FBXO40: variants seen among roughly 807,000 people sequenced by gnomAD.
FBXO40 encodes the protein F-box protein 40, also known as F-box only protein 40.
A neutral mutation model predicts 49.9 loss-of-function variants in FBXO40; 50 were observed. That is an observed-to-expected ratio of 1.00 (90% CI 0.80 to 1.27). The LOEUF (loss-of-function observed/expected upper bound fraction) is 1.27, where lower values mean the gene tolerates loss of function less well. Ranked by LOEUF, FBXO40 falls within the 50% of genes most tolerant of loss-of-function variation. The probability of loss-of-function intolerance (pLI) is 0.00; values close to 1 mark genes in which losing one functional copy is unlikely to be tolerated. For missense variants in FBXO40, 895 were observed against 870.1 expected, an observed-to-expected ratio of 1.03 and a Z score of -0.36; for synonymous variants, 340 against 320.2, an observed-to-expected ratio of 1.06 and a Z score of -0.66.
At chr3:121,615,049 C>A (rs1311443677) in intron 1 of FBXO40, among the ~76,000 whole-genome samples, 1 of 151,994 alleles carries the variant, frequency 6.6e-6, no homozygotes, top group Admixed American at 6.6e-5. Flanking sequence ...GAAACCCCCA[C>A]AAAAAGTTTG....
chr3:121,623,430 C>A, intron 3 of FBXO40, 87 bp downstream of exon 3: 1 of 1,161,002 alleles, frequency 8.6e-7, no homozygotes, highest in Non-Finnish European at 1.2e-6. Context: ...GTTGCCCAGG[C>A]AAAAGTGCAG....
At chr3:121,615,712 TCATTAA>T (rs2048994165) in intron 1 of FBXO40, among the ~76,000 whole-genome samples, 1 of 152,244 alleles carries the variant, frequency 6.6e-6, no homozygotes. Flanking sequence ...CTCAGCTTGC[TCATTAA>T]CATTATCTTT....
chr3:121,617,890 C>T (rs1291826540), intron 1 of FBXO40, among the ~76,000 whole-genome samples: 1 of 152,034 alleles, frequency 6.6e-6, no homozygotes, highest in Non-Finnish European at 1.5e-5. Flanking sequence ...ATCCCAGCTA[C>T]TTGGGAAGCT....
intron 1 of FBXO40, among the ~76,000 whole-genome samples, chr3:121,602,211 G>T (rs1020143515): frequency 6.6e-6 from 1 of 152,096 alleles, no homozygotes; most frequent in African/African-American, 2.4e-5. Context: ...ATCATACTTG[G>T]CTATGTACTT....
chr3:121,622,371 T>C lies in FBXO40; in HGVS notation c.942T>C (p.Asn314=). Residue 314 remains asparagine, a synonymous_variant, in exon 3 of 4, where the codon AAT becomes AAC. Coordinates refer to ENST00000338040, the MANE Select transcript of FBXO40 (RefSeq NM_016298.4). Reference sequence around the variant, plus strand: ...ACTATAACATGTATCTAGTGCACAATGGGCGGATGCTGATACACTTTGGTC... The same window carrying C: ...ACTATAACATGTATCTAGTGCACAACGGGCGGATGCTGATACACTTTGGTC... ...AKDYNMYLVH[N]GRMLIHFGQM... 6.2e-7 allele frequency: 1 copy of C among 1,614,182 alleles called. No individual in the cohort carries two copies.
At chr3:121,602,583 G>C (rs112439463) in intron 1 of FBXO40, among the ~76,000 whole-genome samples, 5 of 152,074 alleles carry the variant, frequency 3.3e-5, no homozygotes, top group African/African-American at 1.2e-4. Context: ...ACTGTCATTG[G>C]TCTCACCCAT....
intron 1 of FBXO40, among the ~76,000 whole-genome samples, chr3:121,597,212 T>C (rs143285904): frequency 7.5e-4 from 114 of 152,268 alleles, no homozygotes; most frequent in Non-Finnish European, 1.2e-3. Flanking sequence ...AGCAGAATAA[T>C]GCAGATGAGC....
chr3:121,616,888 T>C (rs2049000509), intron 1 of FBXO40, among the ~76,000 whole-genome samples: 2 of 152,134 alleles, frequency 1.3e-5, no homozygotes, highest in Non-Finnish European at 2.9e-5. Context: ...TGTTCAAAAA[T>C]GAGAGGTCTT....
intron 1 of FBXO40, among the ~76,000 whole-genome samples, chr3:121,605,165 G>A (rs1341077558): frequency 1.3e-5 from 2 of 152,018 alleles, no homozygotes; most frequent in African/African-American, 4.8e-5. Flanking sequence ...TCAAATTCCT[G>A]ACCTCAAGTG....
intron 3 of FBXO40, 68 bp downstream of exon 3, chr3:121,623,411 T>G (rs1459973311): frequency 7.3e-7 from 1 of 1,360,874 alleles, no homozygotes; most frequent in Non-Finnish European, 1.0e-6. Flanking sequence ...ATAGACAGGT[T>G]CTCTCTCTGT....
intron 1 of FBXO40, among the ~76,000 whole-genome samples, chr3:121,616,373 G>A (rs992426702): frequency 3.3e-5 from 5 of 152,210 alleles, no homozygotes; most frequent in African/African-American, 1.2e-4. Flanking sequence ...CAGGGGTACA[G>A]CCAGCATCTG....
At chr3:121,598,404 A>G (rs1456615107) in intron 1 of FBXO40, among the ~76,000 whole-genome samples, 10 of 152,224 alleles carry the variant, frequency 6.6e-5, no homozygotes, top group Admixed American at 5.9e-4. Flanking sequence ...TTCTGCTGGT[A>G]AATATTGCCA....
At chr3:121,625,047 C>T (rs2049054226) in intron 3 of FBXO40, among the ~76,000 whole-genome samples, 2 of 152,136 alleles carry the variant, frequency 1.3e-5, no homozygotes, top group Admixed American at 1.3e-4. Flanking sequence ...GAATTTGGCC[C>T]ACTGATTTCC....
At chr3:121,605,934 A>G (rs1245255695) in intron 1 of FBXO40, among the ~76,000 whole-genome samples, 1 of 152,250 alleles carries the variant, frequency 6.6e-6, no homozygotes. Flanking sequence ...ACATCGGCAT[A>G]GTCCTGTGCC....
At position 121,593,395 on chromosome 3, in the gene FBXO40, G is replaced by C. The variant is rs539919417; in HGVS notation, c.-138G>C. ...CCTTTCCCTGCCTTCCCAACAGAAC[G>C]CTGTCCTCTACTGCAGCTGATGCAA... On this transcript the variant is annotated 5_prime_UTR_variant, in exon 1 of 4. Transcript: ENST00000338040. 6.6e-6 allele frequency: 1 copy of C among 152,224 alleles called. No homozygotes were observed. The highest frequency in any genetic ancestry group is 2.4e-5 in the African/African-American group (1 of 41,412). The allele number at this position is 152,224 out of a possible 1,614,324, so 9.4% of individuals were successfully genotyped here. A position where few individuals can be genotyped will look rare whatever the true frequency, so the allele number is the denominator to read the frequency against.
chr3:121,602,405 G>T (rs1226351144), intron 1 of FBXO40, among the ~76,000 whole-genome samples: 2 of 152,048 alleles, frequency 1.3e-5, no homozygotes, highest in African/African-American at 2.4e-5. Flanking sequence ...TCCCCAAATT[G>T]TTCCCTCTTT....
chr3:121,606,421 C>T (rs1454439037), intron 1 of FBXO40, among the ~76,000 whole-genome samples: 1 of 152,224 alleles, frequency 6.6e-6, no homozygotes, highest in Non-Finnish European at 1.5e-5. Flanking sequence ...GCTCAGAGCA[C>T]TTGATATGGA....
chr3:121,607,544 C>T (rs1248359274), intron 1 of FBXO40, among the ~76,000 whole-genome samples: 3 of 151,848 alleles, frequency 2.0e-5, no homozygotes, highest in Admixed American at 6.6e-5. Flanking sequence ...CTCCTGACCT[C>T]GTGATCCGCC....
In FBXO40 at chr3:121,624,115, C is replaced by T. The variant is rs1412859894; in HGVS notation, c.1914+772C>T. Among the ~76,000 whole-genome samples the T allele has an allele frequency of 4.6e-5, 7 of 151,034 alleles. No homozygotes were observed. In the East Asian group the frequency reaches 1.2e-3, roughly 25 times the overall value. On this transcript the variant is annotated intron_variant, in intron 3 of 3. Transcript: ENST00000338040. ...AAGCAATTCTCCTGCCTCAGCCTCC[C>T]GAGTAGCTGGGATTACAGACATGCA...
Sources: gnomAD v4.1 joint callset for allele counts (sites outside exome capture counted in the v4.1 genomes callset) on GRCh38, gnomAD v4.1.1 for gene constraint, MANE v1.5 for transcripts, NCBI Gene and HGNC (gene_info 2026-07-23, HGNC 2026-07-21) for gene names.